Variants in SPG11 observed in about 807,000 individuals in gnomAD.
SPG11 encodes the protein SPG11 vesicle trafficking associated, spatacsin.
A neutral mutation model predicts 274.0 loss-of-function variants in SPG11; 222 were observed. That is an observed-to-expected ratio of 0.81 (90% confidence interval 0.73 to 0.91). The LOEUF is 0.91. Ranked by LOEUF, SPG11 falls within the 40% of genes least tolerant of loss-of-function variation. The pLI is 0.00. For missense variants in SPG11, 3,114 were observed against 2,872.7 expected (o/e 1.08, Z -1.92); for synonymous variants, 1,144 against 1,039.7 (o/e 1.10, Z -1.93).
At chr15:44,653,538 G>A (rs1171762281) in intron 4 of SPG11, among the ~76,000 whole-genome samples, 1 of 152,136 alleles carries the variant, frequency 6.6e-6, no homozygotes. Flanking sequence ...CTCTATTGTG[G>A]ATGGATTTGA....
chr15:44,573,133 CCCG>C lies in SPG11; in HGVS notation c.6206-316_6206-314del, dbSNP rs201647465. Among the ~76,000 whole-genome samples the C allele has an allele frequency of 3.6e-3, 548 of 151,898 alleles. 11 individuals carry two copies. In the East Asian group the frequency reaches 0.038, roughly 10 times the overall value. The stretch of plus-strand genomic sequence containing the variant: ...TCCTGAGTAGCTGGGACTACAGGTG[CCCG>C]CCAACACGCCCGGCTACTTTTTTGT... On this transcript the variant is annotated intron_variant, in intron 32 of 39. Transcript: ENST00000261866.
At chr15:44,637,137 A>G (rs1314154941) in intron 7 of SPG11, among the ~76,000 whole-genome samples, 1 of 152,086 alleles carries the variant, frequency 6.6e-6, no homozygotes, top group Admixed American at 6.6e-5. Context: ...TTAGAAACAG[A>G]TGTGTTTAAT....
chr15:44,636,925 C>CAAAAAAAAAAAAAAAAACAAAAAAAAA (rs2084276371), intron 7 of SPG11, among the ~76,000 whole-genome samples: 3 of 19,454 alleles, frequency 1.5e-4, no homozygotes, highest in Non-Finnish European at 2.4e-4. Context: ...GACTCCATCT[C>CAAAAAAAAAAAAAAAAACAAAAAAAAA]AAAAAAAAAA....
At chr15:44,652,010 G>A (rs746390374) in intron 5 of SPG11, 71 bp from the exon 6 acceptor site, 96 of 1,566,634 alleles carry the variant, frequency 6.1e-5, no homozygotes, top group South Asian at 8.2e-5. Context: ...CTAAACCAGG[G>A]CAAAGATGTT....
intron 33 of SPG11, 59 bp downstream of exon 33, chr15:44,572,624 G>A (rs1266741476): frequency 6.3e-7 from 1 of 1,590,572 alleles, no homozygotes; most frequent in Non-Finnish European, 8.6e-7. Context: ...GGAGAGACTG[G>A]GAGACCTTTT....
At chr15:44,578,027 T>C (rs1362593341) in intron 30 of SPG11, among the ~76,000 whole-genome samples, 1 of 143,556 alleles carries the variant, frequency 7.0e-6, no homozygotes, top group African/African-American at 2.6e-5. Flanking sequence ...TCCTTTTTTT[T>C]TTTTTTTTTT....
chr15:44,575,211 C>G (rs375119799), intron 30 of SPG11, 170 bp from the exon 31 acceptor site: 3 of 749,350 alleles, frequency 4.0e-6, no homozygotes, highest in Non-Finnish European at 2.1e-6. Context: ...TTTCATTGCC[C>G]TCTTCCAGGA....
Position 44,596,848 on chromosome 15 carries a change from G to C in SPG11, c.4097C>G (p.Ala1366Gly), listed in dbSNP as rs774455763. The C allele has an allele frequency of 1.2e-6, 2 of 1,613,854 alleles. No individual in the cohort carries two copies. Among genetic ancestry groups the C allele is most frequent in the South Asian group, 2.2e-5 (2 of 91,080 alleles). ...KLSISYLREC[A>G]KANDWLQFII... ...GAACTGCAGCCAATCATTTGCTTTG[G>C]CACATTCTCTAAGGTAAGATATGCT... The change falls in exon 24 of 40, where the codon GCC becomes GGC. Residue 1366 changes from alanine (A) to glycine (G), a missense_variant. Ala to Gly is a moderately conservative substitution (Grantham distance 60). Coordinates refer to ENST00000261866, the MANE Select transcript of SPG11 (RefSeq NM_025137.4).
Position 44,626,432 on chromosome 15 carries a change from CA to C in SPG11, c.2142del (p.Ala715LeufsTer10). 1 of 1,613,958 alleles carries C rather than the reference CA, an allele frequency of 6.2e-7. No individual in the cohort carries two copies. Among genetic ancestry groups the C allele is most frequent in the East Asian group, 2.2e-5 (1 of 44,842 alleles). On this transcript the variant is annotated frameshift_variant, in exon 11 of 40. Coordinates refer to ENST00000261866, the MANE Select transcript of SPG11 (RefSeq NM_025137.4). LOFTEE classifies it high-confidence loss of function. ...CCAATAAGCTCCTCAAGTTTTTGAG[CA>C]GAATGACTATCAATCCTGAAGAAAG... Reference protein sequence around the residue: ...AQTFFRIDSHSAQKLEELIGI... With the variant: ...AQTFFRIDSHXAQKLEELIGI...
At chr15:44,573,244 C>G in intron 32 of SPG11, 1 of 552,530 alleles carries the variant, frequency 1.8e-6, no homozygotes, top group South Asian at 2.1e-5. Context: ...CTTGGCCTCC[C>G]AAAGTGCTGG....
chr15:44,639,326 G>A (rs1025139570), intron 7 of SPG11, among the ~76,000 whole-genome samples: 2 of 151,874 alleles, frequency 1.3e-5, no homozygotes, highest in Non-Finnish European at 2.9e-5. Flanking sequence ...GAGACAGAGA[G>A]AGAGCGTGTG....
At chr15:44,638,747 G>T (rs1453252985) in intron 7 of SPG11, among the ~76,000 whole-genome samples, 1 of 152,068 alleles carries the variant, frequency 6.6e-6, no homozygotes, top group Non-Finnish European at 1.5e-5. Context: ...TGTAATCCCG[G>T]CACTTTGGGA....
At chr15:44,649,102 G>T in intron 6 of SPG11, 91 bp from the exon 7 acceptor site, 1 of 911,118 alleles carries the variant, frequency 1.1e-6, no homozygotes, top group Non-Finnish European at 1.8e-6. Context: ...CAATACTTCA[G>T]TACTATAATT....
intron 34 of SPG11, among the ~76,000 whole-genome samples, chr15:44,569,988 GT>G (rs2082387015): frequency 6.6e-6 from 1 of 152,252 alleles, no homozygotes; most frequent in East Asian, 1.9e-4. Context: ...GATTACAGGC[GT>G]GAGCCACCAT....
chr15:44,581,662 G>A (rs565305163), intron 30 of SPG11, among the ~76,000 whole-genome samples: 34 of 151,174 alleles, frequency 2.2e-4, no homozygotes, highest in Admixed American at 1.9e-3. Context: ...GGGAGGCCAA[G>A]GCGGGTTTAT....
Position 44,562,987 on chromosome 15 carries a change from C to A in SPG11, c.*134G>T, listed in dbSNP as rs1200771897. On this transcript the variant is annotated 3_prime_UTR_variant, in exon 40 of 40. Coordinates refer to ENST00000261866, the MANE Select transcript of SPG11 (RefSeq NM_025137.4). Reference sequence around the variant, plus strand: ...TGAAAAGTTTCTTACTTGCTACCTACTACCCACAAAGGACTGATATGGTAC... The same window carrying A: ...TGAAAAGTTTCTTACTTGCTACCTAATACCCACAAAGGACTGATATGGTAC... 2.4e-6 allele frequency: 2 copies of A among 818,290 alleles called. No individual in the cohort carries two copies. The highest frequency in any genetic ancestry group is 1.7e-5 in the African/African-American group (1 of 58,066). 50.7% of individuals were successfully genotyped at this position (818,290 alleles called of 1,614,324 possible).
chr15:44,596,966 G>C (rs1203619333), intron 23 of SPG11, 23 bp from the exon 24 acceptor site: 1 of 1,613,012 alleles, frequency 6.2e-7, no homozygotes, highest in Non-Finnish European at 8.5e-7. Context: ...TTAGAGGTGG[G>C]GGTGGTCAAG....
intron 30 of SPG11, among the ~76,000 whole-genome samples, chr15:44,578,020 T>C (rs2555352): frequency 9.0e-6 from 1 of 111,206 alleles, no homozygotes; most frequent in Non-Finnish European, 1.8e-5. Context: ...CCTTCTTTCC[T>C]TTTTTTTTTT....
intron 15 of SPG11, 25 bp downstream of exon 15, chr15:44,620,165 G>T: frequency 6.5e-7 from 1 of 1,545,882 alleles, no homozygotes; most frequent in Non-Finnish European, 8.9e-7. Context: ...CTTCCCATTG[G>T]GTATTAGTTC....
Sources: allele counts gnomAD v4.1 joint callset (sites outside exome capture counted in the v4.1 genomes callset), GRCh38; gene constraint gnomAD v4.1.1; transcripts MANE v1.5; gene names NCBI Gene and HGNC (gene_info 2026-07-23, HGNC 2026-07-21).